Variants in C2CD3 observed in about 807,000 individuals in gnomAD.
C2CD3 encodes C2 domain containing 3 centriole elongation regulator.
A neutral mutation model predicts 234.0 loss-of-function variants in C2CD3; 148 were observed. That is an observed-to-expected ratio of 0.63 (90% confidence interval 0.55 to 0.72). The LOEUF (loss-of-function observed/expected upper bound fraction) is 0.72, where lower values mean the gene tolerates loss of function less well. Ranked by LOEUF, C2CD3 falls within the 30% of genes least tolerant of loss-of-function variation. C2CD3 has a pLI of 0.00. For synonymous variants in C2CD3, 1,000 were observed against 1,035.4 expected (o/e 0.97, Z 0.66); for missense variants, 2,577 against 2,811.5 (o/e 0.92, Z 1.89).
intron 30 of C2CD3, among the ~76,000 whole-genome samples, chr11:74,035,970 G>A (rs114441377): frequency 3.5e-4 from 53 of 151,996 alleles, no homozygotes; most frequent in African/African-American, 1.2e-3. Context: ...AGCGATTCTC[G>A]TGTCTCAGAC....
At chr11:74,077,389 C>A (rs562223180) in intron 23 of C2CD3, among the ~76,000 whole-genome samples, 1 of 152,112 alleles carries the variant, frequency 6.6e-6, no homozygotes, top group Admixed American at 6.5e-5. Flanking sequence ...CTATGTTGAC[C>A]TCACCACAGT....
intron 3 of C2CD3, among the ~76,000 whole-genome samples, chr11:74,144,163 C>T (rs1184632785): frequency 6.6e-6 from 1 of 152,134 alleles, no homozygotes; most frequent in Non-Finnish European, 1.5e-5. Flanking sequence ...AAGCATATTT[C>T]TTTGTGGAAG....
At chr11:74,030,634 G>GCACA in intron 31 of C2CD3, among the ~76,000 whole-genome samples, 1 of 152,274 alleles carries the variant, frequency 6.6e-6, no homozygotes, top group South Asian at 2.1e-4. Flanking sequence ...CACTGGAGAT[G>GCACA]CTCAGAGTCT....
intron 3 of C2CD3, among the ~76,000 whole-genome samples, chr11:74,153,524 G>A (rs1339414286): frequency 6.6e-6 from 1 of 152,024 alleles, no homozygotes; most frequent in Non-Finnish European, 1.5e-5. Context: ...AAGTATAAAA[G>A]ATTGTAGAAA....
intron 20 of C2CD3, 138 bp downstream of exon 20, chr11:74,090,675 T>C: frequency 1.1e-6 from 1 of 931,234 alleles, no homozygotes; most frequent in Admixed American, 2.3e-5. Context: ...TATTCTGAAA[T>C]GCTTTATTAA....
chr11:74,132,773 A>G, intron 7 of C2CD3, 71 bp downstream of exon 7: 1 of 1,446,302 alleles, frequency 6.9e-7, no homozygotes. Context: ...AGGAAGATGA[A>G]TCTGATAACA....
Position 74,138,832 on chromosome 11 carries a change from C to T in C2CD3, c.843G>A (p.Met281Ile), listed in dbSNP as rs146030931. The T allele has an allele frequency of 6.2e-7, 1 of 1,613,894 alleles. No homozygotes were observed. The highest frequency in any genetic ancestry group is 1.3e-5 in the African/African-American group (1 of 74,926). ...TLKGRAPRKQ[M>I]SLLNSSEFQP... ...GGAATTCAGAACTGTTCAGAAGGGA[C>T]ATCTGCTTCCGTGGAGCTCTGCCTT... Residue 281 changes from methionine (M) to isoleucine (I), a missense_variant, in exon 5 of 33, where the codon ATG (methionine) becomes ATA (isoleucine). Physicochemically the swap from Met to Ile is conservative, Grantham distance 10. Coordinates refer to ENST00000334126, the MANE Select transcript of C2CD3 (RefSeq NM_001286577.2).
chr11:74,101,603 A>C (rs1477099472), intron 14 of C2CD3, among the ~76,000 whole-genome samples: 1 of 152,222 alleles, frequency 6.6e-6, no homozygotes, highest in African/African-American at 2.4e-5. Context: ...AGTTGCAGGC[A>C]ACTACTTCTG....
At chr11:74,067,138 C>G (rs1321929334) in intron 24 of C2CD3, among the ~76,000 whole-genome samples, 1 of 152,112 alleles carries the variant, frequency 6.6e-6, no homozygotes, top group Non-Finnish European at 1.5e-5. Context: ...AAAACCAGAC[C>G]AGATGACATT....
At chr11:74,135,327 G>T (rs1168190989) in intron 5 of C2CD3, among the ~76,000 whole-genome samples, 1 of 151,594 alleles carries the variant, frequency 6.6e-6, no homozygotes, top group Non-Finnish European at 1.5e-5. Flanking sequence ...GAGTGCACTG[G>T]CATGATCATG....
chr11:74,153,092 C>A (rs190263693), intron 3 of C2CD3, among the ~76,000 whole-genome samples: 2 of 152,156 alleles, frequency 1.3e-5, no homozygotes, highest in East Asian at 3.9e-4. Flanking sequence ...TTAGCGTGCA[C>A]CTGTAGTCTT....
At chr11:74,156,032 T>G (rs1190889260) in intron 3 of C2CD3, among the ~76,000 whole-genome samples, 2 of 152,004 alleles carry the variant, frequency 1.3e-5, no homozygotes, top group Non-Finnish European at 2.9e-5. Flanking sequence ...TCCCAGCACT[T>G]TGGGAGGCCG....
chr11:74,021,170 A>G (rs187058314), intron 32 of C2CD3, among the ~76,000 whole-genome samples: 57 of 152,196 alleles, frequency 3.7e-4, no homozygotes, highest in African/African-American at 1.3e-3. Flanking sequence ...AGATCACTTG[A>G]GCCCAGGAGT....
intron 27 of C2CD3, among the ~76,000 whole-genome samples, chr11:74,048,622 C>T (rs1375298768): frequency 6.6e-6 from 1 of 152,144 alleles, no homozygotes; most frequent in Non-Finnish European, 1.5e-5. Context: ...CTGTAAATGC[C>T]TGAATGGATA....
At chr11:74,096,198 A>T (rs956608470) in intron 16 of C2CD3, among the ~76,000 whole-genome samples, 1 of 152,232 alleles carries the variant, frequency 6.6e-6, no homozygotes, top group Admixed American at 6.5e-5. Context: ...GACTCAACGT[A>T]GTCTGACTCC....
At chr11:74,128,164 T>C (rs990350431) in intron 7 of C2CD3, among the ~76,000 whole-genome samples, 2 of 152,206 alleles carry the variant, frequency 1.3e-5, no homozygotes, top group African/African-American at 2.4e-5. Flanking sequence ...CGCCCAGCCA[T>C]ATTGGCTATC....
intron 3 of C2CD3, among the ~76,000 whole-genome samples, chr11:74,142,547 G>A (rs1216745320): frequency 6.6e-6 from 1 of 152,136 alleles, no homozygotes; most frequent in Non-Finnish European, 1.5e-5. Flanking sequence ...TGTACTAGGT[G>A]GTATGGGAAT....
At chr11:74,125,122 A>C (rs1320852113) in intron 7 of C2CD3, among the ~76,000 whole-genome samples, 1 of 152,206 alleles carries the variant, frequency 6.6e-6, no homozygotes, top group Non-Finnish European at 1.5e-5. Flanking sequence ...ATCACTTTCA[A>C]TTCCCTTGGA....
At chr11:74,121,587 A>G (rs1301723574) in intron 8 of C2CD3, among the ~76,000 whole-genome samples, 3 of 149,038 alleles carry the variant, frequency 2.0e-5, no homozygotes, top group African/African-American at 4.9e-5. Flanking sequence ...AGACTGGGTG[A>G]CAGAATGAGA....
Sources: gnomAD v4.1 joint callset for allele counts (sites outside exome capture counted in the v4.1 genomes callset) on GRCh38, gnomAD v4.1.1 for gene constraint, MANE v1.5 for transcripts, NCBI Gene and HGNC (gene_info 2026-07-23, HGNC 2026-07-21) for gene names.